Variants in SPAST observed in about 807,000 individuals in gnomAD.
SPAST encodes the protein spastic paraplegia 4 (autosomal dominant; spastin).
In SPAST, 30 loss-of-function variants were observed where a neutral mutation model predicts 76.6. The ratio of observed to expected loss-of-function variants is 0.39; its 90% confidence interval spans 0.29 to 0.53. The LOEUF (loss-of-function observed/expected upper bound fraction) is 0.53. Ranked by LOEUF, SPAST falls within the 20% of genes least tolerant of loss-of-function variation. SPAST has a pLI of 0.68. For synonymous variants in SPAST, 305 were observed against 281.0 expected, an observed-to-expected ratio of 1.09 and a Z score of -0.86; for missense variants, 717 against 770.5, an observed-to-expected ratio of 0.93 and a Z score of 0.82.
At chr2:32,116,364 A>G in intron 7 of SPAST, 152 bp downstream of exon 7, 1 of 630,274 alleles carries the variant, frequency 1.6e-6, no homozygotes. Context: ...TAAAACATTA[A>G]CAATTGATGT....
intron 1 of SPAST, among the ~76,000 whole-genome samples, chr2:32,067,500 A>G (rs1676570005): frequency 6.6e-6 from 1 of 152,160 alleles, no homozygotes; most frequent in Non-Finnish European, 1.5e-5. Flanking sequence ...CCATGTGAGG[A>G]ATAAGTGGAA....
intron 3 of SPAST, among the ~76,000 whole-genome samples, chr2:32,095,347 C>T (rs1390894917): frequency 6.6e-6 from 1 of 152,070 alleles, no homozygotes; most frequent in Non-Finnish European, 1.5e-5. Context: ...AGAAAGCTTT[C>T]TTGTGTGACA....
intron 3 of SPAST, among the ~76,000 whole-genome samples, chr2:32,096,516 GAA>G (rs896902408): frequency 6.8e-6 from 1 of 148,122 alleles, no homozygotes; most frequent in African/African-American, 2.5e-5. Context: ...CCTCCTCCAA[GAA>G]AAAAAAAATG....
rs1680286248 is a variant in SPAST, at chr2:32,157,334, ATATGTTTG to A, written c.*2841_*2848del. On this transcript the variant is annotated 3_prime_UTR_variant, in exon 17 of 17. Transcript: ENST00000315285. ...AGAATATTAGATTTCTGACTTGCAA[ATATGTTTG>A]TACTCCAGAAGAATTAGAGGAAAAG... The A allele has an allele frequency of 6.6e-6, 1 of 152,636 alleles. No individual in the cohort carries two copies. The highest frequency in any genetic ancestry group is 6.5e-5 in the Admixed American group (1 of 15,282). 9.5% of individuals were successfully genotyped at this position (152,636 alleles called of 1,614,324 possible).
chr2:32,151,131 C>T (rs978693409), intron 16 of SPAST, among the ~76,000 whole-genome samples: 3 of 151,856 alleles, frequency 2.0e-5, no homozygotes, highest in Non-Finnish European at 4.4e-5. Context: ...TTTGTAGAGA[C>T]GGGGTTTCAC....
chr2:32,154,534 A>G lies in SPAST; in HGVS notation c.*38A>G, dbSNP rs878962102. Reference sequence around the variant, plus strand: ...GTAAACCTGCAGAACATTTTACTTAAAAGAGGAAACACAAGATCTTCAATG... The same window carrying G: ...GTAAACCTGCAGAACATTTTACTTAGAAGAGGAAACACAAGATCTTCAATG... On this transcript the variant is annotated 3_prime_UTR_variant, in exon 17 of 17. Transcript: ENST00000315285. 2 of 1,607,852 alleles carry G rather than the reference A, an allele frequency of 1.2e-6. No homozygotes were observed. The highest frequency in any genetic ancestry group is 1.7e-6 in the Non-Finnish European group (2 of 1,174,636).
chr2:32,152,294 G>GT (rs1680114027), intron 16 of SPAST, among the ~76,000 whole-genome samples: 1 of 152,062 alleles, frequency 6.6e-6, no homozygotes, highest in African/African-American at 2.4e-5. Context: ...CTGGCCAGGC[G>GT]TGGTTGTTCA....
chr2:32,093,617 A>G (rs1558308964), intron 3 of SPAST, among the ~76,000 whole-genome samples: 1 of 152,150 alleles, frequency 6.6e-6, no homozygotes, highest in Non-Finnish European at 1.5e-5. Context: ...ATTGTGTACT[A>G]TCTGTCTTCT....
intron 1 of SPAST, among the ~76,000 whole-genome samples, chr2:32,075,619 A>G (rs1269008014): frequency 2.3e-5 from 3 of 128,132 alleles, no homozygotes; most frequent in Non-Finnish European, 4.7e-5. Flanking sequence ...GTGCAATCTC[A>G]GCTCACTGCA....
At position 32,112,080 on chromosome 2, in the gene SPAST, G is replaced by A. The variant is rs561447933; in HGVS notation, c.683-2558G>A. Among the ~76,000 whole-genome samples the A allele has an allele frequency of 4.7e-5, 7 of 150,364 alleles. No individual in the cohort carries two copies. The East Asian group carries it at 7.8e-4, about 17-fold the overall frequency. On this transcript the variant is annotated intron_variant, in intron 4 of 16. Transcript: ENST00000315285. ...TGATTCTCCTGCCTCAGCCTCCTGA[G>A]TAGCTGGGATTACAGGCACACACCA...
intron 9 of SPAST, chr2:32,129,153 G>A (rs1209758148): frequency 6.6e-6 from 1 of 152,274 alleles, no homozygotes; most frequent in Admixed American, 6.5e-5. Context: ...TTATCTCAAG[G>A]AGCCACCAGA....
intron 3 of SPAST, among the ~76,000 whole-genome samples, chr2:32,090,956 C>T (rs1233876510): frequency 6.6e-6 from 1 of 152,004 alleles, no homozygotes; most frequent in Non-Finnish European, 1.5e-5. Context: ...GACTGATGTC[C>T]AGTGATACTT....
At chr2:32,108,724 T>C (rs796132235) in intron 4 of SPAST, among the ~76,000 whole-genome samples, 159 of 151,122 alleles carry the variant, frequency 1.1e-3, no homozygotes, top group African/African-American at 3.7e-3. Flanking sequence ...GTGTTGGGAT[T>C]ATAGGTGTGA....
chr2:32,141,533 T>C (rs1679719459), intron 12 of SPAST, among the ~76,000 whole-genome samples: 1 of 152,236 alleles, frequency 6.6e-6, no homozygotes, highest in Admixed American at 6.5e-5. Context: ...CTTTATGTAT[T>C]TTAGTTCCAT....
chr2:32,082,283 G>A (rs950044636), intron 1 of SPAST, among the ~76,000 whole-genome samples: 3 of 150,856 alleles, frequency 2.0e-5, no homozygotes, highest in African/African-American at 7.3e-5. Context: ...ATGAGCCACC[G>A]CACCTGGCTC....
At chr2:32,084,742 G>A (rs558991824) in intron 1 of SPAST, among the ~76,000 whole-genome samples, 92 of 151,438 alleles carry the variant, frequency 6.1e-4, no homozygotes, top group African/African-American at 1.7e-3. Context: ...AAAAAATTAG[G>A]CAGGTGTGGT....
chr2:32,085,190 CT>C (rs1395254231), intron 1 of SPAST, among the ~76,000 whole-genome samples: 2 of 142,116 alleles, frequency 1.4e-5, no homozygotes, highest in African/African-American at 5.2e-5. Flanking sequence ...TTAATAATTT[CT>C]TTTTCTTCTT....
chr2:32,109,783 C>T (rs1441106587), intron 4 of SPAST, among the ~76,000 whole-genome samples: 3 of 146,600 alleles, frequency 2.0e-5, no homozygotes, highest in South Asian at 2.2e-4. Context: ...TGTATATGCA[C>T]ATACATATAT....
Position 32,127,090 on chromosome 2 carries a change from T to G in SPAST, c.1173+68T>G. 4.9e-6 allele frequency: 5 copies of G among 1,030,110 alleles called. No homozygotes were observed. In the South Asian group the frequency reaches 6.4e-5, roughly 13 times the overall value. 63.8% of individuals were successfully genotyped at this position (1,030,110 alleles called of 1,614,324 possible). The stretch of plus-strand genomic sequence containing the variant: ...GGGATAATATGAAAAAAAGAAACTT[T>G]ATCTTGTCCTTGAGTCTATTATTTA... On this transcript the variant is annotated intron_variant, in intron 8 of 16. Coordinates refer to ENST00000315285, the MANE Select transcript of SPAST (RefSeq NM_014946.4).
Sources: gnomAD v4.1 joint callset for allele counts (sites outside exome capture counted in the v4.1 genomes callset) on GRCh38, gnomAD v4.1.1 for gene constraint, MANE v1.5 for transcripts, NCBI Gene and HGNC (gene_info 2026-07-23, HGNC 2026-07-21) for gene names.